IFT52: variants seen among roughly 807,000 people sequenced by gnomAD.
IFT52 encodes the protein intraflagellar transport protein 52 homolog.
A neutral mutation model predicts 54.4 loss-of-function variants in IFT52; 44 were observed. That is an observed-to-expected ratio of 0.81 (90% CI 0.63 to 1.04). The LOEUF (loss-of-function observed/expected upper bound fraction) is 1.04, where lower values mean the gene tolerates loss of function less well. Among genes scored for constraint, IFT52 ranks in the 50% least tolerant of loss-of-function variants. The pLI is 0.00. For missense variants in IFT52, 452 were observed against 523.6 expected, an observed-to-expected ratio of 0.86 and a Z score of 1.33; for synonymous variants, 181 against 185.3, an observed-to-expected ratio of 0.98 and a Z score of 0.19.
chr20:43,604,605 C>T (rs1234286814), intron 5 of IFT52, among the ~76,000 whole-genome samples: 1 of 152,022 alleles, frequency 6.6e-6, no homozygotes, highest in Non-Finnish European at 1.5e-5. Context: ...AATATCCTTA[C>T]ACATAACTCT....
At chr20:43,618,645 C>A (rs947220601) in intron 7 of IFT52, among the ~76,000 whole-genome samples, 33 of 70,166 alleles carry the variant, frequency 4.7e-4, no homozygotes, top group African/African-American at 1.4e-3. Flanking sequence ...CCACACCTGG[C>A]TGATTTTTTT....
At chr20:43,604,303 T>G in intron 5 of IFT52, 45 bp downstream of exon 5, 1 of 1,386,838 alleles carries the variant, frequency 7.2e-7, no homozygotes, top group African/African-American at 1.4e-5. Context: ...GCATCGTCGC[T>G]CACACCTGTA....
intron 1 of IFT52, among the ~76,000 whole-genome samples, chr20:43,593,542 T>TA (rs745866338): frequency 6.6e-6 from 1 of 152,192 alleles, no homozygotes; most frequent in Non-Finnish European, 1.5e-5. Flanking sequence ...GGTAGATCCA[T>TA]AAAATGAATA....
intron 10 of IFT52, among the ~76,000 whole-genome samples, chr20:43,627,906 G>T (rs6130428): frequency 0.42 from 27,459 of 65,004 alleles, 5,383 homozygotes; most frequent in Middle Eastern, 0.5. Context: ...TATATATATA[G>T]AGAGAGAGAG....
chr20:43,612,993 T>G (rs1983577461), intron 6 of IFT52, among the ~76,000 whole-genome samples: 1 of 152,114 alleles, frequency 6.6e-6, no homozygotes, highest in African/African-American at 2.4e-5. Context: ...CCTTTGCTCC[T>G]CTATCCCACA....
At chr20:43,623,848 C>T (rs1318365700) in intron 9 of IFT52, 43 bp from the exon 10 acceptor site, 3 of 1,593,936 alleles carry the variant, frequency 1.9e-6, no homozygotes, top group African/African-American at 2.7e-5. Context: ...AGAATAAATG[C>T]TTGCTCTTGC....
chr20:43,591,153 T>C (rs925946596), intron 1 of IFT52, 99 bp downstream of exon 1: 44 of 152,382 alleles, frequency 2.9e-4, no homozygotes, highest in African/African-American at 9.6e-4. Flanking sequence ...GGGCCGGTCA[T>C]AGAACATCCA....
At chr20:43,609,943 C>T (rs866826662) in intron 6 of IFT52, among the ~76,000 whole-genome samples, 9 of 149,916 alleles carry the variant, frequency 6.0e-5, no homozygotes, top group African/African-American at 7.4e-5. Context: ...AGCAAGACTC[C>T]GTCTTGAAAA....
At chr20:43,595,100 G>A (rs1029070996) in intron 2 of IFT52, among the ~76,000 whole-genome samples, 3 of 151,810 alleles carry the variant, frequency 2.0e-5, no homozygotes, top group Non-Finnish European at 4.4e-5. Context: ...TGGATCATGA[G>A]GTCATGGGTT....
intron 3 of IFT52, among the ~76,000 whole-genome samples, chr20:43,599,530 G>C (rs1467936804): frequency 6.6e-6 from 1 of 151,948 alleles, no homozygotes; most frequent in Non-Finnish European, 1.5e-5. Context: ...GAAGAAAAGG[G>C]AAAAAAGCTG....
At chr20:43,600,507 T>G (rs534546113) in intron 3 of IFT52, among the ~76,000 whole-genome samples, 2 of 152,158 alleles carry the variant, frequency 1.3e-5, no homozygotes, top group East Asian at 1.9e-4. Context: ...GGTTTCACCG[T>G]GTTAGCCAGG....
At chr20:43,607,348 G>T (rs1375103725) in intron 6 of IFT52, among the ~76,000 whole-genome samples, 1 of 151,548 alleles carries the variant, frequency 6.6e-6, no homozygotes, top group Non-Finnish European at 1.5e-5. Flanking sequence ...TGGCTGCCGG[G>T]CGGAGACGCT....
intron 6 of IFT52, among the ~76,000 whole-genome samples, chr20:43,610,455 T>C (rs1399253888): frequency 6.6e-6 from 1 of 151,924 alleles, no homozygotes; most frequent in Non-Finnish European, 1.5e-5. Context: ...CAATCTAGGC[T>C]GGGCGCAGTG....
chr20:43,606,359 C>T (rs185678712), intron 6 of IFT52, among the ~76,000 whole-genome samples: 122 of 150,356 alleles, frequency 8.1e-4, no homozygotes, highest in African/African-American at 2.9e-3. Flanking sequence ...CTGCAACCTC[C>T]GCCTCCCAGG....
intron 8 of IFT52, among the ~76,000 whole-genome samples, chr20:43,619,910 CTTTTTTTTTTTT>C (rs11482384): frequency 1.2e-5 from 1 of 82,776 alleles, no homozygotes. Context: ...AGATATTCTA[CTTTTTTTTTTTT>C]TTTTTTTTTT....
intron 12 of IFT52, 86 bp from the exon 13 acceptor site, chr20:43,642,393 C>T (rs1229704212): frequency 5.7e-6 from 7 of 1,218,850 alleles, no homozygotes; most frequent in Admixed American, 2.1e-5. Context: ...GGAAACATGA[C>T]AGGGCATACC....
At position 43,622,581 on chromosome 20, in the gene IFT52, C is replaced by T. The variant is rs558721163; in HGVS notation, c.769-1310C>T. Among the ~76,000 whole-genome samples the T allele has an allele frequency of 1.3e-4, 20 of 150,284 alleles. No individual in the cohort carries two copies. In the East Asian group the frequency reaches 3.3e-3, roughly 25 times the overall value. On this transcript the variant is annotated intron_variant, in intron 9 of 13. Transcript: ENST00000373030. Reference sequence around the variant, plus strand: ...GCATGCCACTGCACTCCAGCCTGGGCGACAGAGCGAGACTCGTCTCAAAAA... The same window carrying T: ...GCATGCCACTGCACTCCAGCCTGGGTGACAGAGCGAGACTCGTCTCAAAAA...
chr20:43,642,324 A>T, intron 12 of IFT52, 155 bp from the exon 13 acceptor site: 1 of 651,320 alleles, frequency 1.5e-6, no homozygotes, highest in Non-Finnish European at 2.6e-6. Context: ...AGGGTTTTTC[A>T]GTGTTGAAAT....
chr20:43,593,510 G>A (rs1177626866), intron 1 of IFT52, among the ~76,000 whole-genome samples: 2 of 152,188 alleles, frequency 1.3e-5, no homozygotes, highest in African/African-American at 4.8e-5. Context: ...TCAGCCAGTA[G>A]ATGACTGGTT....
Sources: allele counts gnomAD v4.1 joint callset (sites outside exome capture counted in the v4.1 genomes callset), GRCh38; gene constraint gnomAD v4.1.1; transcripts MANE v1.5; gene names NCBI Gene and HGNC (gene_info 2026-07-23, HGNC 2026-07-21).